Variants in ZNF2 observed in about 807,000 individuals in gnomAD.
ZNF2 encodes the protein zinc finger protein 2, also known as zinc finger protein 2.2.
ZNF2 carries 12 observed loss-of-function variants against 21.9 expected under a neutral mutation model. The ratio of observed to expected loss-of-function variants is 0.55; its 90% CI spans 0.35 to 0.89. ZNF2 has a LOEUF of 0.89. Among genes scored for constraint, ZNF2 ranks in the 40% least tolerant of loss-of-function variants. ZNF2 has a pLI of 0.01. For synonymous variants in ZNF2, 186 were observed against 196.3 expected (o/e 0.95, Z 0.44); for missense variants, 462 against 544.2 (o/e 0.85, Z 1.50).
Position 95,182,109 on chromosome 2 carries a change from T to C in ZNF2, c.*3T>C. On this transcript the variant is annotated 3_prime_UTR_variant, in exon 5 of 5. Coordinates refer to ENST00000614034, the MANE Select transcript of ZNF2 (RefSeq NM_021088.4). ...ACGCCAAACAGGGAATAGACTGAGT[T>C]GGGCAAAAGCTTGGGTAGGACAAGA... The C allele has an allele frequency of 6.3e-7, 1 of 1,589,722 alleles. No homozygotes were observed. The highest frequency in any genetic ancestry group is 8.6e-7 in the Non-Finnish European group (1 of 1,165,360).
chr2:95,176,051 G>T, intron 1 of ZNF2, 137 bp from the exon 2 acceptor site: 12 of 800,618 alleles, frequency 1.5e-5, no homozygotes, highest in Non-Finnish European at 2.6e-5. Context: ...TCCTGGCTTT[G>T]CTTTACTTAG....
In ZNF2 at chr2:95,182,418, G is replaced by C. The variant is rs1294231629; in HGVS notation, c.*312G>C. 3.8e-6 allele frequency: 1 copy of C among 261,746 alleles called. No homozygotes were observed. Among genetic ancestry groups the C allele is most frequent in the Non-Finnish European group, 7.3e-6 (1 of 137,386 alleles). The allele number at this position is 261,746 out of a possible 1,614,324, so 16.2% of individuals were successfully genotyped here. ...ATCACTGCACTTTAAGAAACTGGAG[G>C]CTGCAACAGGAGGGAAAGGCAGAAT... is the stretch of plus-strand genomic sequence containing the variant. On this transcript the variant is annotated 3_prime_UTR_variant, in exon 5 of 5. Transcript: ENST00000614034.
intron 1 of ZNF2, among the ~76,000 whole-genome samples, chr2:95,167,321 G>A (rs1397473285): frequency 6.6e-6 from 1 of 151,886 alleles, no homozygotes; most frequent in Non-Finnish European, 1.5e-5. Context: ...TGGCTAACAC[G>A]GTGAAACCCC....
chr2:95,180,958 A>T, intron 4 of ZNF2, 145 bp from the exon 5 acceptor site: 1 of 956,212 alleles, frequency 1.0e-6, no homozygotes, highest in Non-Finnish European at 1.6e-6. Flanking sequence ...CCCAGGTCTT[A>T]GTCCCTCCCT....
At position 95,182,077 on chromosome 2, in the gene ZNF2, C is replaced by T. The variant is rs1347185640; in HGVS notation, c.1249C>T (p.Arg417Trp). 5 of 1,609,736 alleles carry T rather than the reference C, an allele frequency of 3.1e-6. No individual in the cohort carries two copies. Among genetic ancestry groups the T allele is most frequent in the East Asian group, 4.5e-5 (2 of 44,770 alleles). ...AAAATCTTCTGTTATTCAACATCAA[C>T]GGCGTTACGCCAAACAGGGAATAGA... ...SSKSSVIQHQ[R>W]RYAKQGID The change falls in exon 5 of 5, where the codon CGG becomes TGG. Residue 417 changes from arginine to tryptophan, a missense_variant. Arg to Trp is a moderately radical substitution (Grantham distance 101). Transcript: ENST00000614034.
chr2:95,180,135 C>T, intron 3 of ZNF2, 24 bp from the exon 4 acceptor site: 7 of 1,524,194 alleles, frequency 4.6e-6, no homozygotes, highest in Non-Finnish European at 6.4e-6. Flanking sequence ...CAGCCACCTG[C>T]TTTGTTTCTT....
intron 1 of ZNF2, among the ~76,000 whole-genome samples, chr2:95,170,124 G>A (rs1233840437): frequency 6.6e-6 from 1 of 152,174 alleles, no homozygotes; most frequent in African/African-American, 2.4e-5. Flanking sequence ...TAGGGCCTAA[G>A]GGTAATATTT....
Position 95,183,047 on chromosome 2 carries a change from GCCTATACTTTTATCAT to G in ZNF2, c.*944_*959del, listed in dbSNP as rs1276161947. On this transcript the variant is annotated 3_prime_UTR_variant, in exon 5 of 5. Coordinates refer to ENST00000614034, the MANE Select transcript of ZNF2 (RefSeq NM_021088.4). ...ATACTTTCTCTGAATTCACAGCCCA[GCCTATACTTTTATCAT>G]CCCCAGCTCCCACTCCTGGCAGCAG... 2.0e-5 allele frequency: 3 copies of G among 152,278 alleles called. No homozygotes were observed. The East Asian group carries it at 5.8e-4, about 29-fold the overall frequency. The allele number at this position is 152,278 out of a possible 1,614,324, so 9.4% of individuals were successfully genotyped here. A position where few individuals can be genotyped will look rare whatever the true frequency, so the allele number is the denominator to read the frequency against.
At chr2:95,166,687 C>T (rs1334866078) in intron 1 of ZNF2, among the ~76,000 whole-genome samples, 1 of 151,994 alleles carries the variant, frequency 6.6e-6, no homozygotes, top group Admixed American at 6.6e-5. Flanking sequence ...GATGACACTG[C>T]AAAAGAAGAG....
rs1276041101 is a variant in ZNF2, at chr2:95,183,836, G to C, written c.*1730G>C. 2.0e-5 allele frequency: 3 copies of C among 151,948 alleles called. No individual in the cohort carries two copies. Among genetic ancestry groups the C allele is most frequent in the Admixed American group, 6.6e-5 (1 of 15,248 alleles). The allele number at this position is 151,948 out of a possible 1,614,324, so 9.4% of individuals were successfully genotyped here. On this transcript the variant is annotated 3_prime_UTR_variant, in exon 5 of 5. Coordinates refer to ENST00000614034, the MANE Select transcript of ZNF2 (RefSeq NM_021088.4). ...GGGGTTTCACCGTGTTAGCCAGGAT[G>C]GTCTCAATCTCCTGACCTCGTGATC...
At position 95,169,342 on chromosome 2, in the gene ZNF2, C is replaced by T. The variant is rs538534570; in HGVS notation, c.-40+3482C>T. ...TTAAACATTTAACACTGAGCAGTTTCGACTGCAGTTTTGGATATGGTTTGA... is the reference window on the plus strand; with the variant it reads ...TTAAACATTTAACACTGAGCAGTTTTGACTGCAGTTTTGGATATGGTTTGA... On this transcript the variant is annotated intron_variant, in intron 1 of 4. Transcript: ENST00000614034. 3.3e-5 allele frequency among the ~76,000 whole-genome samples: 5 copies of T among 152,336 alleles called. No homozygotes were observed. The East Asian group carries it at 7.7e-4, about 23-fold the overall frequency.
rs767178924 is a variant in ZNF2 at position 95,181,522 on chromosome 2, A to C, written c.694A>C (p.Ser232Arg). 1 of 1,614,196 alleles carries C rather than the reference A, an allele frequency of 6.2e-7. No homozygotes were observed. Among genetic ancestry groups the C allele is most frequent in the Admixed American group, 1.7e-5 (1 of 60,024 alleles). ...CACTGGGGAGAGCCCCTACGAGTGC[A>C]GTGTGTGCTCAAAAGCCTTCTTTGA... Reference protein sequence around the residue: ...SHTGESPYECSVCSKAFFDRS... With the variant: ...SHTGESPYECRVCSKAFFDRS... Residue 232 changes from serine to arginine, a missense_variant, in exon 5 of 5, where the codon AGT becomes CGT. Transcript: ENST00000614034.
At position 95,177,617 on chromosome 2, in the gene ZNF2, G is replaced by A. The variant is rs1235442469; in HGVS notation, c.160+8G>A. The A allele has an allele frequency of 1.2e-6, 2 of 1,613,020 alleles. No individual in the cohort carries two copies. The highest frequency in any genetic ancestry group is 3.3e-5 in the Admixed American group (2 of 59,902). On this transcript the variant is annotated splice_region_variant and intron_variant, in intron 3 of 4. Coordinates refer to ENST00000614034, the MANE Select transcript of ZNF2 (RefSeq NM_021088.4). ...ACAGCATTGTGTCATTGGGTAAGGG[G>A]AGCCTCCATGAGGAGGTACAGTCTG...
At chr2:95,177,644 A>T in intron 3 of ZNF2, 35 bp downstream of exon 3, 2 of 1,603,390 alleles carry the variant, frequency 1.2e-6, no homozygotes, top group Middle Eastern at 1.7e-4. Context: ...TACAGTCTGT[A>T]CTATGCTAAT....
chr2:95,181,462 C>T lies in ZNF2; in HGVS notation c.634C>T (p.His212Tyr). 1 of 1,614,012 alleles carries T rather than the reference C, an allele frequency of 6.2e-7. No individual in the cohort carries two copies. Among genetic ancestry groups the T allele is most frequent in the Non-Finnish European group, 8.5e-7 (1 of 1,179,980 alleles). Residue 212 changes from histidine to tyrosine, a missense_variant, in exon 5 of 5, where the codon CAC becomes TAC. Transcript: ENST00000614034. ...DCRECGKAFSHRSSLSRHLMS... is the reference protein window; with the variant it reads ...DCRECGKAFSYRSSLSRHLMS... ...CCGCGAGTGTGGGAAAGCCTTCAGC[C>T]ACAGGAGCAGCCTCAGCAGACATCT...
chr2:95,180,335 G>A, intron 4 of ZNF2, 63 bp downstream of exon 4: 1 of 1,061,806 alleles, frequency 9.4e-7, no homozygotes, highest in Middle Eastern at 2.1e-4. Context: ...TGGGTGATGG[G>A]GGAAATAACA....
chr2:95,174,194 G>C (rs902374984), intron 1 of ZNF2, among the ~76,000 whole-genome samples: 31 of 152,238 alleles, frequency 2.0e-4, no homozygotes, highest in African/African-American at 7.5e-4. Context: ...TAGTGTTAAT[G>C]ATGAGTCATA....
intron 1 of ZNF2, among the ~76,000 whole-genome samples, chr2:95,175,175 T>C (rs1476780689): frequency 1.3e-5 from 2 of 152,280 alleles, no homozygotes; most frequent in Non-Finnish European, 2.9e-5. Flanking sequence ...GTGCCTGGTC[T>C]GTTGTTTTAA....
At chr2:95,171,394 T>C (rs1674263144) in intron 1 of ZNF2, among the ~76,000 whole-genome samples, 1 of 151,826 alleles carries the variant, frequency 6.6e-6, no homozygotes, top group African/African-American at 2.4e-5. Context: ...TTTTTTTTTT[T>C]TTCCCCGACT....
Sources: gnomAD v4.1 joint callset for allele counts (sites outside exome capture counted in the v4.1 genomes callset) on GRCh38, gnomAD v4.1.1 for gene constraint, MANE v1.5 for transcripts, NCBI Gene and HGNC (gene_info 2026-07-23, HGNC 2026-07-21) for gene names.